ANKRD13C: variants seen among roughly 807,000 people sequenced by gnomAD.
ANKRD13C encodes the protein ankyrin repeat domain-containing protein 13C.
Under a neutral mutation model 65.5 loss-of-function variants are expected in ANKRD13C, and 16 were observed. That is an observed-to-expected ratio of 0.24 (90% CI 0.17 to 0.37). ANKRD13C has a LOEUF of 0.37. Ranked by LOEUF, ANKRD13C falls within the 10% of genes least tolerant of loss-of-function variation. The pLI, the probability that ANKRD13C is intolerant of heterozygous loss-of-function variation, is 1.00. For synonymous variants in ANKRD13C, 235 were observed against 238.7 expected (o/e 0.98, Z 0.14); for missense variants, 503 against 655.9 (o/e 0.77, Z 2.55).
chr1:70,303,263 G>A (rs1387953187), intron 6 of ANKRD13C, among the ~76,000 whole-genome samples: 1 of 152,036 alleles, frequency 6.6e-6, no homozygotes, highest in Non-Finnish European at 1.5e-5. Context: ...TAATTATCAC[G>A]ATAACATTTT....
chr1:70,298,920 A>G (rs986181505), intron 7 of ANKRD13C, among the ~76,000 whole-genome samples: 6 of 152,170 alleles, frequency 3.9e-5, no homozygotes, highest in African/African-American at 1.4e-4. Context: ...TCCTTCACAG[A>G]AAGAGTTTAC....
chr1:70,262,899 T>C, intron 12 of ANKRD13C, 52 bp from the exon 13 acceptor site: 1 of 1,475,220 alleles, frequency 6.8e-7, no homozygotes, highest in Non-Finnish European at 9.3e-7. Context: ...TTAATATTCA[T>C]AGACTACAAA....
chr1:70,282,245 C>A (rs368046800), intron 9 of ANKRD13C, among the ~76,000 whole-genome samples: 5 of 151,164 alleles, frequency 3.3e-5, no homozygotes, highest in Non-Finnish European at 5.9e-5. Context: ...TTAGTAGGGA[C>A]GGGGTTTCAC....
chr1:70,307,962 AAAAG>A (rs1302490261), intron 5 of ANKRD13C, among the ~76,000 whole-genome samples: 4 of 152,316 alleles, frequency 2.6e-5, no homozygotes, highest in Non-Finnish European at 4.4e-5. Context: ...GAAAAAGAAA[AAAAG>A]AAAGAAAGAA....
chr1:70,335,968 A>T, intron 2 of ANKRD13C, 90 bp downstream of exon 2: 1 of 393,308 alleles, frequency 2.5e-6, no homozygotes. Context: ...ATGAGTTTTT[A>T]AAAACTCAAA....
intron 7 of ANKRD13C, among the ~76,000 whole-genome samples, chr1:70,299,803 G>T (rs146272215): frequency 6.6e-6 from 1 of 152,248 alleles, no homozygotes; most frequent in Non-Finnish European, 1.5e-5. Flanking sequence ...ATATCCATTA[G>T]GCATTTAAAC....
chr1:70,322,111 T>G (rs913695362), intron 3 of ANKRD13C, among the ~76,000 whole-genome samples: 7 of 152,074 alleles, frequency 4.6e-5, no homozygotes, highest in African/African-American at 1.7e-4. Context: ...GGTCAGGAAT[T>G]CGAGACCAGC....
At chr1:70,322,784 G>A (rs1277844264) in intron 3 of ANKRD13C, among the ~76,000 whole-genome samples, 1 of 152,102 alleles carries the variant, frequency 6.6e-6, no homozygotes. Context: ...CCTGACGTCA[G>A]GAGTTCAAAA....
intron 9 of ANKRD13C, among the ~76,000 whole-genome samples, chr1:70,282,021 T>A (rs1395388037): frequency 6.6e-6 from 1 of 150,854 alleles, no homozygotes; most frequent in South Asian, 2.1e-4. Flanking sequence ...TTACTATTCC[T>A]GCTGGCTGGA....
At position 70,315,476 on chromosome 1, in the gene ANKRD13C, C is replaced by A; in HGVS notation, c.663+5G>T. The A allele has an allele frequency of 6.3e-7, 1 of 1,593,720 alleles. No individual in the cohort carries two copies. The highest frequency in any genetic ancestry group is 8.6e-7 in the Non-Finnish European group (1 of 1,167,982). On this transcript the variant is annotated splice_donor_5th_base_variant and intron_variant, in intron 4 of 12. Coordinates refer to ENST00000370944, the MANE Select transcript of ANKRD13C (RefSeq NM_030816.5). Reference sequence around the variant, plus strand: ...GTGCAAAATTAACAAAGAAATATAGCTTACCTCTTTCAGGGCTTTTAATAA... The same window carrying A: ...GTGCAAAATTAACAAAGAAATATAGATTACCTCTTTCAGGGCTTTTAATAA...
At chr1:70,349,451 A>G (rs1281199893) in intron 1 of ANKRD13C, among the ~76,000 whole-genome samples, 1 of 152,100 alleles carries the variant, frequency 6.6e-6, no homozygotes, top group African/African-American at 2.4e-5. Flanking sequence ...ATACCTCAAG[A>G]AATATGTTTG....
intron 3 of ANKRD13C, among the ~76,000 whole-genome samples, chr1:70,318,179 G>A (rs1420962989): frequency 1.3e-5 from 2 of 152,084 alleles, no homozygotes; most frequent in East Asian, 1.9e-4. Flanking sequence ...CCTTTTTAGG[G>A]ATCAGTATTT....
intron 12 of ANKRD13C, among the ~76,000 whole-genome samples, chr1:70,269,029 T>TCCATCCC (rs1678761500): frequency 1.9e-5 from 2 of 107,098 alleles, no homozygotes; most frequent in African/African-American, 3.6e-5. Flanking sequence ...CCCAATGCTA[T>TCCATCCC]CCCTCCCCCC....
At position 70,296,259 on chromosome 1, in the gene ANKRD13C, T is replaced by C; in HGVS notation, c.924A>G (p.Glu308=). The C allele has an allele frequency of 6.2e-7, 1 of 1,612,316 alleles. No homozygotes were observed. Among genetic ancestry groups the C allele is most frequent in the Non-Finnish European group, 8.5e-7 (1 of 1,179,466 alleles). The part of the protein sequence containing the change: ...QKVYQRIHHE[E]SEMETEEEVD... ...CCTCTTCTTCTGTTTCCATCTCTGA[T>C]TCCTGGGATGTGAGCAAAAGTTAAA... The change falls in exon 8 of 13, where the codon GAA becomes GAG. Residue 308 remains glutamate, a splice_region_variant and synonymous_variant. Coordinates refer to ENST00000370944, the MANE Select transcript of ANKRD13C (RefSeq NM_030816.5).
chr1:70,354,687 A>G lies in ANKRD13C; in HGVS notation c.-279T>C. 3 of 779,506 alleles carry G rather than the reference A, an allele frequency of 3.8e-6. No individual in the cohort carries two copies. The highest frequency in any genetic ancestry group is 5.4e-5 in the East Asian group (2 of 37,016). 48.3% of individuals were successfully genotyped at this position (779,506 alleles called of 1,614,324 possible). ...GTCGCAGCCGCCGTCGCTGCCTTACACCGAAAAACAGGGCACGGCCATCTT... is the reference window on the plus strand; with the variant it reads ...GTCGCAGCCGCCGTCGCTGCCTTACGCCGAAAAACAGGGCACGGCCATCTT... On this transcript the variant is annotated 5_prime_UTR_variant, in exon 1 of 13. Transcript: ENST00000370944.
chr1:70,322,328 T>C (rs1352390705), intron 3 of ANKRD13C, among the ~76,000 whole-genome samples: 2 of 152,202 alleles, frequency 1.3e-5, no homozygotes, highest in Admixed American at 1.3e-4. Flanking sequence ...AGATATTCAA[T>C]TAATTATCCT....
At chr1:70,313,650 A>C in intron 5 of ANKRD13C, 95 bp downstream of exon 5, 3 of 928,002 alleles carry the variant, frequency 3.2e-6, no homozygotes, top group Non-Finnish European at 5.0e-6. Context: ...GCAAGTATTA[A>C]ATTTGTTATC....
At chr1:70,348,531 T>C (rs903046912) in intron 1 of ANKRD13C, among the ~76,000 whole-genome samples, 1 of 152,192 alleles carries the variant, frequency 6.6e-6, no homozygotes. Flanking sequence ...CCTCCCAAAG[T>C]GCTGAGATTA....
At chr1:70,332,723 C>G (rs535412328) in intron 2 of ANKRD13C, among the ~76,000 whole-genome samples, 2 of 152,184 alleles carry the variant, frequency 1.3e-5, no homozygotes, top group East Asian at 3.9e-4. Context: ...GCCTCGGCCT[C>G]CCAAAGTGCT....
Sources: allele counts gnomAD v4.1 joint callset (sites outside exome capture counted in the v4.1 genomes callset), GRCh38; gene constraint gnomAD v4.1.1; transcripts MANE v1.5; gene names NCBI Gene and HGNC (gene_info 2026-07-23, HGNC 2026-07-21).